Variants in MYH3 observed in about 807,000 individuals in gnomAD.
MYH3 encodes the protein myosin-3.
A neutral mutation model predicts 238.0 loss-of-function variants in MYH3; 130 were observed. The observed-to-expected ratio is 0.55, with a 90% CI of 0.47 to 0.63. The LOEUF (loss-of-function observed/expected upper bound fraction) is 0.63. Among genes scored for constraint, MYH3 ranks in the 30% least tolerant of loss-of-function variants. MYH3 has a pLI of 0.00. For missense variants in MYH3, 1,853 were observed against 2,374.9 expected (o/e 0.78, Z 4.57); for synonymous variants, 880 against 924.1 (o/e 0.95, Z 0.86).
At chr17:10,638,836 G>A (rs2074242278) in intron 26 of MYH3, 37 bp downstream of exon 26, 1 of 1,591,156 alleles carries the variant, frequency 6.3e-7, no homozygotes, top group Non-Finnish European at 8.6e-7. Flanking sequence ...ACTGTAAGTG[G>A]CCTCACATGG....
chr17:10,630,017 G>T, intron 38 of MYH3, 75 bp downstream of exon 38: 1 of 1,604,870 alleles, frequency 6.2e-7, no homozygotes, highest in Non-Finnish European at 8.5e-7. Context: ...CTGGGCCAAA[G>T]TGTTTCTTCC....
intron 3 of MYH3, among the ~76,000 whole-genome samples, chr17:10,653,071 G>A (rs560654515): frequency 6.6e-6 from 1 of 152,276 alleles, no homozygotes; most frequent in South Asian, 2.1e-4. Context: ...AATGGGGTTT[G>A]TTTCTGTTAT....
Position 10,640,664 on chromosome 17 carries a change from C to T in MYH3, c.2188G>A (p.Ala730Thr). The change falls in exon 20 of 41, where the codon GCA becomes ACA. Residue 730 changes from alanine (A) to threonine (T), a missense_variant. Ala to Thr is a moderately conservative substitution (Grantham distance 58). This residue lies in a region of MYH3 where 678 missense variants were observed against 1,058.9 expected (regional missense o/e 0.64). Coordinates refer to ENST00000583535, the MANE Select transcript of MYH3 (RefSeq NM_002470.4). Reference sequence around the variant, plus strand: ...TCAATGAATTGTCCCTCAGGGATTGCACTGGCATTCAGCACTCGGTATCTG... The same window carrying T: ...TCAATGAATTGTCCCTCAGGGATTGTACTGGCATTCAGCACTCGGTATCTG... ...KQRYRVLNAS[A>T]IPEGQFIDSK... The T allele has an allele frequency of 1.2e-6, 2 of 1,614,186 alleles. No homozygotes were observed. Among genetic ancestry groups the T allele is most frequent in the Non-Finnish European group, 1.7e-6 (2 of 1,180,018 alleles).
upstream of MYH3, among the ~76,000 whole-genome samples, chr17:10,659,887 G>A (rs1292701366): frequency 6.6e-6 from 1 of 152,224 alleles, no homozygotes; most frequent in Non-Finnish European, 1.5e-5. Flanking sequence ...TGGCTGGAAG[G>A]GACAGCACCC....
intron 10 of MYH3, among the ~76,000 whole-genome samples, chr17:10,646,799 G>C (rs1801005640): frequency 6.6e-6 from 1 of 152,168 alleles, no homozygotes; most frequent in Admixed American, 6.5e-5. Context: ...TATAATCCCA[G>C]CACTGTGGGA....
At chr17:10,672,542 G>A in the MYH3 span, 2 of 152,090 alleles carry the variant, frequency 1.3e-5, no homozygotes. Flanking sequence ...GCAGTTCAGT[G>A]AGTTTTCACA....
chr17:10,672,039 A>G, the MYH3 span, among the ~76,000 whole-genome samples: 1 of 152,222 alleles, frequency 6.6e-6, no homozygotes, highest in Non-Finnish European at 1.5e-5. Context: ...TCATGCTTAC[A>G]AAAACCATCC....
At chr17:10,644,142 G>C (rs1220692959) in intron 14 of MYH3, among the ~76,000 whole-genome samples, 2 of 142,694 alleles carry the variant, frequency 1.4e-5, no homozygotes, top group African/African-American at 2.6e-5. Context: ...GAGTGACAGG[G>C]TGAAACTCAG....
At chr17:10,656,472 G>A (rs895966541) in intron 1 of MYH3, among the ~76,000 whole-genome samples, 4 of 151,262 alleles carry the variant, frequency 2.6e-5, no homozygotes, top group Non-Finnish European at 5.9e-5. Flanking sequence ...GGGAGACAGA[G>A]GTTGCAGTGA....
chr17:10,665,938 C>T, the MYH3 span, among the ~76,000 whole-genome samples: 2 of 152,074 alleles, frequency 1.3e-5, no homozygotes, highest in Non-Finnish European at 2.9e-5. Context: ...ATAGAGAGTC[C>T]AGAAGGAGGC....
rs757597714 is a variant in MYH3, at chr17:10,639,810, A to G, written c.2683-8T>C. 5.6e-6 allele frequency: 9 copies of G among 1,614,034 alleles called. No homozygotes were observed. Among genetic ancestry groups the G allele is most frequent in the South Asian group, 1.1e-5 (1 of 91,068 alleles). Reference sequence around the variant, plus strand: ...CAACAAATTTTCGCTTTCCTTAAAAAAAAAAGAATAATAACTTCGTTGAAT... The same window carrying G: ...CAACAAATTTTCGCTTTCCTTAAAAGAAAAAGAATAATAACTTCGTTGAAT... On this transcript the variant is annotated splice_region_variant and splice_polypyrimidine_tract_variant and intron_variant, in intron 22 of 40. Coordinates refer to ENST00000583535, the MANE Select transcript of MYH3 (RefSeq NM_002470.4).
chr17:10,634,476 T>C (rs1172202034), intron 31 of MYH3, among the ~76,000 whole-genome samples: 1 of 152,234 alleles, frequency 6.6e-6, no homozygotes, highest in African/African-American at 2.4e-5. Context: ...AAATATTTCA[T>C]TAAAGCATTG....
At chr17:10,669,228 T>G in the MYH3 span, among the ~76,000 whole-genome samples, 1 of 152,148 alleles carries the variant, frequency 6.6e-6, no homozygotes, top group Non-Finnish European at 1.5e-5. Context: ...CTTAAATATT[T>G]GGGCCTCAAT....
Position 10,640,240 on chromosome 17 carries a change from A to C in MYH3, c.2438T>G (p.Phe813Cys). 6.2e-7 allele frequency: 1 copy of C among 1,614,244 alleles called. No individual in the cohort carries two copies. Residue 813 changes from phenylalanine to cysteine, a missense_variant, in exon 22 of 41, where the codon TTC becomes TGC. Phe to Cys is a radical substitution (Grantham distance 205, BLOSUM62 -2). This residue lies in a region of MYH3 where 678 missense variants were observed against 1,058.9 expected (regional missense o/e 0.64). Coordinates refer to ENST00000583535, the MANE Select transcript of MYH3 (RefSeq NM_002470.4). Reference sequence around the variant, plus strand: ...TGAGCGAATGTTGTACTGGATGCAGAAGATGGACTCCCTAAAAACAAGACA... The same window carrying C: ...TGAGCGAATGTTGTACTGGATGCAGCAGATGGACTCCCTAAAAACAAGACA... ...QKMVQRRESI[F>C]CIQYNIRSFM...
upstream of MYH3, among the ~76,000 whole-genome samples, chr17:10,660,982 A>ATT (rs769646114): frequency 1.4e-4 from 20 of 144,316 alleles, no homozygotes; most frequent in East Asian, 4.1e-3. Context: ...GAGACTCCTT[A>ATT]TTTTTTTTTT....
chr17:10,665,407 T>A, the MYH3 span, among the ~76,000 whole-genome samples: 1 of 152,198 alleles, frequency 6.6e-6, no homozygotes, highest in Non-Finnish European at 1.5e-5. Context: ...CCTCTCAAAG[T>A]GCTGGGATTA....
Position 10,640,158 on chromosome 17 carries a change from G to C in MYH3, c.2520C>G (p.Leu840=). Residue 840 remains leucine (L), a synonymous_variant, in exon 22 of 41, where the codon CTC becomes CTG. Transcript: ENST00000583535. ...WMKLFFKIKP[L]LKSAETEKEM... ...CTTTCTCAGTCTCTGCACTCTTGAG[G>C]AGGGGCTTGATCTTGAAGAAGAGTT... 1 of 1,614,166 alleles carries C rather than the reference G, an allele frequency of 6.2e-7. No homozygotes were observed. The highest frequency in any genetic ancestry group is 1.1e-5 in the South Asian group (1 of 91,086).
the MYH3 span, chr17:10,676,361 G>A: frequency 3.1e-4 from 47 of 152,358 alleles, no homozygotes; most frequent in African/African-American, 1.1e-3. Context: ...AAAGTACTGG[G>A]ATTACAGGCA....
At position 10,640,324 on chromosome 17, in the gene MYH3, C is replaced by A; in HGVS notation, c.2426+9G>T. 2 of 1,614,252 alleles carry A rather than the reference C, an allele frequency of 1.2e-6. No individual in the cohort carries two copies. The highest frequency in any genetic ancestry group is 4.5e-5 in the East Asian group (2 of 44,892). On this transcript the variant is annotated intron_variant, in intron 21 of 40. Coordinates refer to ENST00000583535, the MANE Select transcript of MYH3 (RefSeq NM_002470.4). ...AAGAGCTCATGTCTGAACAAAGACC[C>A]TGCTGGACCTCCTCTGCACCATCTT...
Sources: gnomAD v4.1 joint callset for allele counts (sites outside exome capture counted in the v4.1 genomes callset) on GRCh38, gnomAD v4.1.1 for gene constraint, gnomAD v4.1.1 regional missense constraint, MANE v1.5 for transcripts, NCBI Gene and HGNC (gene_info 2026-07-23, HGNC 2026-07-21) for gene names.